Variants in YTHDC2 observed in about 807,000 individuals in gnomAD.
YTHDC2 encodes the protein 3'-5' RNA helicase YTHDC2.
In YTHDC2, 45 loss-of-function variants were observed where a neutral mutation model predicts 174.9. The observed-to-expected ratio is 0.26, with a 90% CI of 0.20 to 0.33. YTHDC2 has a LOEUF of 0.33. Among genes scored for constraint, YTHDC2 ranks in the 10% least tolerant of loss-of-function variants. The pLI is 1.00. For missense variants in YTHDC2, 1,650 were observed against 1,723.7 expected, an observed-to-expected ratio of 0.96 and a Z score of 0.76; for synonymous variants, 657 against 574.5, an observed-to-expected ratio of 1.14 and a Z score of -2.05.
rs1348518336 is a variant in YTHDC2, at chr5:113,535,874, CTG to C, written c.1102+77_1102+78del. 4 of 1,276,874 alleles carry C rather than the reference CTG, an allele frequency of 3.1e-6. No individual in the cohort carries two copies. In the East Asian group the frequency reaches 1.0e-4, roughly 33 times the overall value. 79.1% of individuals were successfully genotyped at this position (1,276,874 alleles called of 1,614,324 possible). On this transcript the variant is annotated intron_variant, in intron 7 of 29. Transcript: ENST00000161863. ...TGGACATTATTTATCCTAACAGAAACTGGGGAATGTTCTGAAGTAGAGGCCAT... is the reference window on the plus strand; with the variant it reads ...TGGACATTATTTATCCTAACAGAAACGGGAATGTTCTGAAGTAGAGGCCAT...
intron 23 of YTHDC2, among the ~76,000 whole-genome samples, chr5:113,570,877 C>G (rs1777668951): frequency 6.6e-6 from 1 of 152,132 alleles, no homozygotes; most frequent in Non-Finnish European, 1.5e-5. Context: ...AGGTCTCAAA[C>G]TCCTGACTTC....
At chr5:113,520,947 T>G (rs908170263) in intron 2 of YTHDC2, among the ~76,000 whole-genome samples, 1 of 151,762 alleles carries the variant, frequency 6.6e-6, no homozygotes, top group South Asian at 2.1e-4. Flanking sequence ...CAGTGCCTGT[T>G]GTTCACCTCT....
chr5:113,588,785 G>A (rs1489236955), intron 26 of YTHDC2, among the ~76,000 whole-genome samples: 1 of 151,682 alleles, frequency 6.6e-6, no homozygotes, highest in Non-Finnish European at 1.5e-5. Flanking sequence ...ACCATGCCTG[G>A]CTAAGTTTTT....
At chr5:113,556,238 T>G (rs1262495036) in intron 17 of YTHDC2, 104 bp downstream of exon 17, 1 of 542,136 alleles carries the variant, frequency 1.8e-6, no homozygotes, top group Non-Finnish European at 3.1e-6. Context: ...AAAATAGTAG[T>G]TTTCATGTTA....
Position 113,513,850 on chromosome 5 carries a change from A to G in YTHDC2, c.-46A>G, listed in dbSNP as rs770803647. ...CGGTCTTTGTCATTGGCTGTCAGCT[A>G]GCAGGCCTGGCCGCTCCCGTGCGGA... On this transcript the variant is annotated 5_prime_UTR_variant, in exon 1 of 30. Coordinates refer to ENST00000161863, the MANE Select transcript of YTHDC2 (RefSeq NM_022828.5). 3.3e-6 allele frequency: 5 copies of G among 1,529,998 alleles called. No individual in the cohort carries two copies. In the Admixed American group the frequency reaches 8.7e-5, roughly 27 times the overall value. 94.8% of individuals were successfully genotyped at this position (1,529,998 alleles called of 1,614,324 possible).
intron 12 of YTHDC2, among the ~76,000 whole-genome samples, chr5:113,551,946 G>A (rs1389513407): frequency 6.6e-6 from 1 of 151,994 alleles, no homozygotes; most frequent in East Asian, 1.9e-4. Context: ...AAGAAGCAAG[G>A]CATTTATTTC....
In YTHDC2 at chr5:113,553,548, T is replaced by C. The variant is rs770009525; in HGVS notation, c.1868-42T>C. 4 of 1,591,762 alleles carry C rather than the reference T, an allele frequency of 2.5e-6. No individual in the cohort carries two copies. In the Admixed American group the frequency reaches 5.1e-5, roughly 20 times the overall value. On this transcript the variant is annotated intron_variant, in intron 13 of 29. Coordinates refer to ENST00000161863, the MANE Select transcript of YTHDC2 (RefSeq NM_022828.5). Reference sequence around the variant, plus strand: ...TTATAATTCTGTTGATTGCCTCTGATTCACAATGAGATTTAATATTAAAAA... The same window carrying C: ...TTATAATTCTGTTGATTGCCTCTGACTCACAATGAGATTTAATATTAAAAA...
chr5:113,515,447 T>C, intron 2 of YTHDC2, 85 bp downstream of exon 2: 1 of 1,092,526 alleles, frequency 9.2e-7, no homozygotes. Context: ...ATTTAAGTAC[T>C]TATTACTGTT....
chr5:113,516,114 T>C (rs1329050180), intron 2 of YTHDC2, among the ~76,000 whole-genome samples: 1 of 152,310 alleles, frequency 6.6e-6, no homozygotes, highest in Non-Finnish European at 1.5e-5. Context: ...AAGAAAAAAA[T>C]AGTTTAAAAG....
chr5:113,568,584 C>G (rs1777509022), intron 23 of YTHDC2, among the ~76,000 whole-genome samples: 1 of 152,140 alleles, frequency 6.6e-6, no homozygotes, highest in South Asian at 2.1e-4. Flanking sequence ...TCCATGTGTT[C>G]TCATCATTCA....
At chr5:113,587,743 G>T (rs796913544) in intron 26 of YTHDC2, among the ~76,000 whole-genome samples, 1 of 150,882 alleles carries the variant, frequency 6.6e-6, no homozygotes, top group Non-Finnish European at 1.5e-5. Flanking sequence ...GGCTGTTCCA[G>T]GTCCTTTGTA....
chr5:113,583,225 A>G (rs2112798080), intron 25 of YTHDC2: 1 of 152,332 alleles, frequency 6.6e-6, no homozygotes, highest in Middle Eastern at 3.4e-3. Context: ...TGTAAGGACA[A>G]TGCACTCATT....
intron 2 of YTHDC2, among the ~76,000 whole-genome samples, chr5:113,516,741 G>C (rs559949454): frequency 1.3e-5 from 2 of 152,272 alleles, no homozygotes; most frequent in East Asian, 3.9e-4. Flanking sequence ...TTTTAGGTTA[G>C]GAAGAGGGAA....
At position 113,584,286 on chromosome 5, in the gene YTHDC2, C is replaced by G; in HGVS notation, c.3648-16C>G. On this transcript the variant is annotated splice_polypyrimidine_tract_variant and intron_variant, in intron 25 of 29. Transcript: ENST00000161863. ...CTTATATATAACTGATCTTTGCTTCCTCCTTCTTGCTCAAGAGTACTGATG... is the reference window on the plus strand; with the variant it reads ...CTTATATATAACTGATCTTTGCTTCGTCCTTCTTGCTCAAGAGTACTGATG... The G allele has an allele frequency of 6.3e-7, 1 of 1,596,596 alleles. No homozygotes were observed.
At chr5:113,559,134 G>C (rs1421508836) in intron 17 of YTHDC2, among the ~76,000 whole-genome samples, 2 of 144,262 alleles carry the variant, frequency 1.4e-5, no homozygotes, top group African/African-American at 5.6e-5. Flanking sequence ...GGCAAATATA[G>C]AAATCTCTTA....
chr5:113,557,625 C>T (rs1477954575), intron 17 of YTHDC2, among the ~76,000 whole-genome samples: 1 of 152,048 alleles, frequency 6.6e-6, no homozygotes, highest in East Asian at 1.9e-4. Flanking sequence ...GAGACCTTGT[C>T]TCTACAAAAA....
intron 23 of YTHDC2, among the ~76,000 whole-genome samples, chr5:113,574,638 G>T (rs1777927741): frequency 6.6e-6 from 1 of 152,188 alleles, no homozygotes; most frequent in African/African-American, 2.4e-5. Flanking sequence ...ACCCACTGCT[G>T]TTGGCTGGCT....
intron 13 of YTHDC2, 41 bp from the exon 14 acceptor site, chr5:113,553,549 T>G (rs1288198672): frequency 6.3e-7 from 1 of 1,592,972 alleles, no homozygotes; most frequent in Non-Finnish European, 8.6e-7. Context: ...TGCCTCTGAT[T>G]CACAATGAGA....
intron 2 of YTHDC2, 118 bp downstream of exon 2, chr5:113,515,480 A>G (rs1278319051): frequency 2.6e-5 from 21 of 817,014 alleles, no homozygotes; most frequent in Non-Finnish European, 4.1e-5. Context: ...TCTTAATTGT[A>G]TCATATGTAG....
Sources: allele counts gnomAD v4.1 joint callset (sites outside exome capture counted in the v4.1 genomes callset), GRCh38; gene constraint gnomAD v4.1.1; transcripts MANE v1.5; gene names NCBI Gene and HGNC (gene_info 2026-07-23, HGNC 2026-07-21).